Variants in KIF15 observed in about 807,000 individuals in gnomAD.
The protein encoded by KIF15 is kinesin-like protein KIF15.
In KIF15, 140 loss-of-function variants were observed where a neutral mutation model predicts 190.6. That is an observed-to-expected ratio of 0.73 (90% CI 0.64 to 0.84). KIF15 has a LOEUF of 0.84. Ranked by LOEUF, KIF15 falls within the 40% of genes least tolerant of loss-of-function variation. The pLI, the probability that KIF15 is intolerant of heterozygous loss-of-function variation, is 0.00. For missense variants in KIF15, 1,372 were observed against 1,584.4 expected (o/e 0.87, Z 2.28); for synonymous variants, 528 against 551.3 (o/e 0.96, Z 0.59).
intron 5 of KIF15, among the ~76,000 whole-genome samples, chr3:44,784,093 G>A (rs955231993): frequency 6.6e-6 from 1 of 152,150 alleles, no homozygotes; most frequent in African/African-American, 2.4e-5. Context: ...AAATCAACTA[G>A]CTAATCCTGA....
At chr3:44,780,037 G>T (rs1706093135) in intron 4 of KIF15, among the ~76,000 whole-genome samples, 1 of 144,590 alleles carries the variant, frequency 6.9e-6, no homozygotes, top group African/African-American at 2.5e-5. Context: ...AAAGTCTTTT[G>T]ATATCTTGAT....
At chr3:44,857,160 G>T (rs1699197789), downstream of KIF15, among the ~76,000 whole-genome samples, 1 of 152,186 alleles carries the variant, frequency 6.6e-6, no homozygotes, top group Non-Finnish European at 1.5e-5. Context: ...GTCTAGTTTG[G>T]TATCCAGAAT....
At chr3:44,810,771 C>T in intron 16 of KIF15, 75 bp from the exon 17 acceptor site, 1 of 1,193,588 alleles carries the variant, frequency 8.4e-7, no homozygotes, top group African/African-American at 1.5e-5. Context: ...ATTTTATCCT[C>T]TCTATTCACA....
chr3:44,863,877 C>G, intron 6 of KIF15: 1 of 340,176 alleles, frequency 2.9e-6, no homozygotes. Context: ...AAGCACTGGT[C>G]ATTGTGGGAC....
chr3:44,855,359 G>A (rs1575698664), downstream of KIF15, among the ~76,000 whole-genome samples: 1 of 152,246 alleles, frequency 6.6e-6, no homozygotes, highest in East Asian at 1.9e-4. Flanking sequence ...TCACAATGGT[G>A]GAATGTCATC....
intron 11 of KIF15, among the ~76,000 whole-genome samples, chr3:44,800,817 A>G (rs1368113753): frequency 6.6e-6 from 1 of 152,222 alleles, no homozygotes; most frequent in Admixed American, 6.5e-5. Flanking sequence ...AGGGTGAATT[A>G]TTAACAGATC....
rs927945876 is a variant in KIF15, at chr3:44,788,004, A to G, written c.639+1430A>G. 5.9e-5 allele frequency among the ~76,000 whole-genome samples: 9 copies of G among 152,218 alleles called. No homozygotes were observed. The South Asian group carries it at 1.9e-3, about 32-fold the overall frequency. ...CAAGTAGGTGAGACTACAGGCGCGC[A>G]CTGCCATGCCTGGCTAATTTTTTGT... On this transcript the variant is annotated intron_variant, in intron 7 of 34. Transcript: ENST00000326047.
chr3:44,813,284 TTTG>T (rs765960511), intron 19 of KIF15, 104 bp downstream of exon 19: 46 of 651,778 alleles, frequency 7.1e-5, no homozygotes, highest in Non-Finnish European at 8.2e-5. Context: ...GGATGGTTGC[TTTG>T]TTGTTGTTGT....
intron 16 of KIF15, among the ~76,000 whole-genome samples, chr3:44,806,213 G>A (rs1707494668): frequency 6.6e-6 from 1 of 152,166 alleles, no homozygotes; most frequent in African/African-American, 2.4e-5. Context: ...AAATTCGAAT[G>A]TGCCATTAAC....
In KIF15 at chr3:44,775,329, G is replaced by A. The variant is rs1229897301; in HGVS notation, c.138G>A (p.Glu46=). ...PAERSGSADG[E]QNLCLSVLSS... ...AAAGATCTGGGTCAGCTGATGGAGA[G>A]CAGAACTTATGCTTATCTGTGCTGT... The change falls in exon 3 of 35, where the codon GAG becomes GAA. Residue 46 remains glutamate (E), a synonymous_variant. Transcript: ENST00000326047. 5.0e-6 allele frequency: 8 copies of A among 1,613,908 alleles called. No individual in the cohort carries two copies. In the Admixed American group the frequency reaches 5.0e-5, roughly 10 times the overall value.
intron 6 of KIF15, among the ~76,000 whole-genome samples, chr3:44,866,480 C>A (rs1699323912): frequency 6.6e-6 from 1 of 152,200 alleles, no homozygotes; most frequent in Non-Finnish European, 1.5e-5. Context: ...CCGGCACTTA[C>A]CTGCCTCACT....
At chr3:44,851,560 G>T (rs1233857755) in intron 32 of KIF15, among the ~76,000 whole-genome samples, 1 of 152,156 alleles carries the variant, frequency 6.6e-6, no homozygotes, top group Non-Finnish European at 1.5e-5. Context: ...TTTAGAAAAT[G>T]TTTTGAGGAG....
intron 6 of KIF15, among the ~76,000 whole-genome samples, chr3:44,866,723 C>T (rs1699326327): frequency 6.6e-6 from 1 of 152,208 alleles, no homozygotes; most frequent in Non-Finnish European, 1.5e-5. Context: ...TTCCACGGCT[C>T]CTTCTGATGG....
intron 26 of KIF15, among the ~76,000 whole-genome samples, chr3:44,834,316 G>A (rs1000762189): frequency 6.6e-6 from 1 of 152,116 alleles, no homozygotes; most frequent in Non-Finnish European, 1.5e-5. Context: ...AATACTAAGT[G>A]GGATACAAAT....
chr3:44,791,987 G>A (rs1706727883), intron 7 of KIF15, among the ~76,000 whole-genome samples: 2 of 152,044 alleles, frequency 1.3e-5, no homozygotes, highest in South Asian at 4.2e-4. Flanking sequence ...CCAAAGTGCT[G>A]GGATTACAGG....
chr3:44,830,135 A>C, intron 25 of KIF15, 60 bp downstream of exon 25: 2 of 871,820 alleles, frequency 2.3e-6, no homozygotes, highest in South Asian at 3.8e-5. Context: ...CAGACTTTTC[A>C]AGAGTTTAAC....
At chr3:44,843,034 A>G (rs970642458) in intron 29 of KIF15, 91 bp from the exon 30 acceptor site, 13 of 858,958 alleles carry the variant, frequency 1.5e-5, no homozygotes, top group Admixed American at 1.0e-4. Context: ...GGAACTTAAA[A>G]GAGGAATACC....
At chr3:44,840,573 C>T in intron 28 of KIF15, 117 bp downstream of exon 28, 1 of 630,708 alleles carries the variant, frequency 1.6e-6, no homozygotes, top group Non-Finnish European at 2.7e-6. Context: ...TTCACTAATA[C>T]CCTCTGTCTG....
At chr3:44,856,163 T>G (rs1575698951), downstream of KIF15, among the ~76,000 whole-genome samples, 1 of 152,308 alleles carries the variant, frequency 6.6e-6, no homozygotes, top group Admixed American at 6.5e-5. Context: ...GATGGCCTTC[T>G]CAGACCCTGT....
Sources: gnomAD v4.1 joint callset for allele counts (sites outside exome capture counted in the v4.1 genomes callset) on GRCh38, gnomAD v4.1.1 for gene constraint, MANE v1.5 for transcripts, NCBI Gene and HGNC (gene_info 2026-07-23, HGNC 2026-07-21) for gene names.